CDH26: variants seen among roughly 807,000 people sequenced by gnomAD.
The protein encoded by CDH26 is cadherin 26.
CDH26 carries 83 observed loss-of-function variants against 90.3 expected under a neutral mutation model. That is an observed-to-expected ratio of 0.92 (90% CI 0.77 to 1.10). The LOEUF (loss-of-function observed/expected upper bound fraction) is 1.10. Among genes scored for constraint, CDH26 ranks in the 50% least tolerant of loss-of-function variants. The pLI is 0.00. For missense variants in CDH26, 1,013 were observed against 1,037.6 expected, an observed-to-expected ratio of 0.98 and a Z score of 0.33; for synonymous variants, 397 against 396.3, an observed-to-expected ratio of 1.00 and a Z score of -0.02.
exon 9 of CDH26, chr20:60,033,736 C>T: frequency 1.6e-6 from 2 of 1,253,540 alleles, no homozygotes; most frequent in South Asian, 1.4e-5. Context: ...TTGGAAATGG[C>T]TTCCTGGAGG....
intron 8 of CDH26, 82 bp from the exon 9 acceptor site, chr20:59,988,822 T>A (rs1475454240): frequency 1.3e-6 from 2 of 1,499,570 alleles, no homozygotes; most frequent in Non-Finnish European, 1.8e-6. Flanking sequence ...AAGCTCTGAG[T>A]TTGCAATGAT....
intron 2 of CDH26, among the ~76,000 whole-genome samples, chr20:59,969,363 G>A (rs1397368192): frequency 6.6e-6 from 1 of 152,106 alleles, no homozygotes; most frequent in East Asian, 1.9e-4. Context: ...CCACTGTGAA[G>A]TTTTGCCATA....
intron 1 of CDH26, among the ~76,000 whole-genome samples, chr20:59,967,938 T>TCC (rs1447848241): frequency 2.7e-4 from 29 of 107,512 alleles, no homozygotes; most frequent in East Asian, 4.8e-4. Context: ...CCTTTCCCTT[T>TCC]CTTTCTTTCT....
rs553478405 is a variant in CDH26, at chr20:60,010,376, GC to G, written c.2296-2150del. 2.3e-4 allele frequency among the ~76,000 whole-genome samples: 35 copies of G among 152,274 alleles called. 1 individual carries two copies. The South Asian group carries it at 7.0e-3, about 31-fold the overall frequency. ...GCTCACCCTCTCAGAATTACTATCA[GC>G]AGTGACGGATTAGACAGGCTCCCAC... On this transcript the variant is annotated intron_variant, in intron 17 of 17. Coordinates refer to ENST00000348616, the MANE Select transcript of CDH26 (RefSeq NM_177980.4).
chr20:60,013,294 T>G lies in CDH26; in HGVS notation c.*564T>G. On this transcript the variant is annotated 3_prime_UTR_variant, in exon 18 of 18. Coordinates refer to ENST00000348616, the MANE Select transcript of CDH26 (RefSeq NM_177980.4). Reference sequence around the variant, plus strand: ...AATATGTTATCTTGAGAAAAATGATTATGCTGAAAGCTTTATAAACAGTAT... The same window carrying G: ...AATATGTTATCTTGAGAAAAATGATGATGCTGAAAGCTTTATAAACAGTAT... 6.6e-6 allele frequency: 1 copy of G among 152,338 alleles called. No individual in the cohort carries two copies. The highest frequency in any genetic ancestry group is 1.9e-4 in the East Asian group (1 of 5,210). 9.4% of individuals were successfully genotyped at this position (152,338 alleles called of 1,614,324 possible).
intron 17 of CDH26, among the ~76,000 whole-genome samples, chr20:60,008,402 G>A (rs1023154254): frequency 3.9e-5 from 6 of 152,166 alleles, no homozygotes; most frequent in Non-Finnish European, 7.3e-5. Context: ...ACAGAAAGCA[G>A]TAGATTTGGG....
intron 1 of CDH26, among the ~76,000 whole-genome samples, chr20:59,966,125 G>A (rs1472883197): frequency 6.7e-6 from 1 of 150,250 alleles, no homozygotes; most frequent in African/African-American, 2.5e-5. Context: ...TGATTTTCTC[G>A]AAGTGAAAGC....
At chr20:60,031,865 C>T (rs916552814) in intron 8 of CDH26, among the ~76,000 whole-genome samples, 7 of 152,132 alleles carry the variant, frequency 4.6e-5, no homozygotes, top group African/African-American at 1.4e-4. Flanking sequence ...ATCTGTCATG[C>T]GATTTGTAAA....
rs112379790 is a variant in CDH26, at chr20:59,972,122, C to A, written c.392C>A (p.Thr131Lys). The change falls in exon 4 of 18, where the codon ACG becomes AAG. Residue 131 changes from threonine to lysine, a missense_variant and splice_region_variant. Thr to Lys is a moderately conservative substitution (Grantham distance 78, BLOSUM62 -1). Transcript: ENST00000348616. Reference sequence around the variant, plus strand: ...GATCGAGAAATGACACCATCTTTCACGGTATCTAAAACTTGATATATTCTA... The same window carrying A: ...GATCGAGAAATGACACCATCTTTCAAGGTATCTAAAACTTGATATATTCTA... Reference protein sequence around the residue: ...PVDREMTPSFTVYFDVVERST... With the variant: ...PVDREMTPSFKVYFDVVERST... 518 of 1,613,040 alleles carry A rather than the reference C, an allele frequency of 3.2e-4. 4 individuals are homozygous for A. The African/African-American group carries it at 6.1e-3, about 19-fold the overall frequency.
At chr20:60,020,752 G>C (rs2061945707) in intron 7 of CDH26, among the ~76,000 whole-genome samples, 1 of 152,120 alleles carries the variant, frequency 6.6e-6, no homozygotes, top group South Asian at 2.1e-4. Flanking sequence ...CACAATGTGG[G>C]GGGTAAGCAC....
At chr20:59,967,880 C>CTTTCTCTCTCTCTCTCT (rs1195650307) in intron 1 of CDH26, among the ~76,000 whole-genome samples, 1 of 74,922 alleles carries the variant, frequency 1.3e-5, no homozygotes, top group African/African-American at 8.6e-5. Context: ...TTTCTTTCTT[C>CTTTCTCTCTCTCTCTCT]CTTCCTTCCT....
Position 59,996,002 on chromosome 20 carries a change from G to A in CDH26, c.1836G>A (p.Gly612=), listed in dbSNP as rs2061591534. ...TGGAGCTTGCAGATGCAGAAGTGGG[G>A]CTTCATGTGGGGGCCCTGTTCCCTG... ...TCVELADAEV[G]LHVGALFPVC... Residue 612 remains glycine, a synonymous_variant, in exon 12 of 18, where the codon GGG becomes GGA. Coordinates refer to ENST00000348616, the MANE Select transcript of CDH26 (RefSeq NM_177980.4). The A allele has an allele frequency of 3.7e-6, 6 of 1,614,112 alleles. No homozygotes were observed. In the East Asian group the frequency reaches 1.1e-4, roughly 30 times the overall value.
intron 1 of CDH26, among the ~76,000 whole-genome samples, chr20:59,961,293 T>C (rs1040736503): frequency 2.0e-5 from 3 of 151,988 alleles, no homozygotes; most frequent in African/African-American, 4.8e-5. Context: ...CTGAGGGTGG[T>C]TGGGTGGGGG....
chr20:60,002,692 T>C, intron 15 of CDH26, 121 bp from the exon 16 acceptor site: 1 of 577,114 alleles, frequency 1.7e-6, no homozygotes, highest in Non-Finnish European at 2.9e-6. Flanking sequence ...CTACACTCTT[T>C]AGAATTACTA....
intron 2 of CDH26, among the ~76,000 whole-genome samples, chr20:59,969,679 G>A (rs1024627202): frequency 2.0e-5 from 3 of 152,180 alleles, no homozygotes; most frequent in Non-Finnish European, 4.4e-5. Context: ...AGACAGAGAG[G>A]CATTAAAGGT....
chr20:60,009,503 G>T (rs758424933), intron 17 of CDH26, among the ~76,000 whole-genome samples: 11 of 152,224 alleles, frequency 7.2e-5, no homozygotes, highest in Non-Finnish European at 1.2e-4. Context: ...AGTATCGCAG[G>T]TCCTGCCTGG....
At chr20:59,997,958 G>A (rs1036900790) in intron 13 of CDH26, among the ~76,000 whole-genome samples, 1 of 152,240 alleles carries the variant, frequency 6.6e-6, no homozygotes, top group Non-Finnish European at 1.5e-5. Flanking sequence ...AGGCTCCTCT[G>A]GCAGGTATGT....
At chr20:59,994,156 G>A in intron 10 of CDH26, 94 bp from the exon 11 acceptor site, 1 of 1,498,942 alleles carries the variant, frequency 6.7e-7, no homozygotes, top group Non-Finnish European at 9.1e-7. Flanking sequence ...CAGTATTTCA[G>A]GAATATTTTT....
Position 59,997,294 on chromosome 20 carries a change from G to C in CDH26, c.2019+533G>C, listed in dbSNP as rs1323598729. 2.6e-5 allele frequency among the ~76,000 whole-genome samples: 4 copies of C among 152,246 alleles called. No individual in the cohort carries two copies. The East Asian group carries it at 7.7e-4, about 29-fold the overall frequency. ...TGGCAGAACCTGCTCTTCTACCATT[G>C]TCCGGCAAAGGCCAACCAGAAAGCT... On this transcript the variant is annotated intron_variant, in intron 13 of 17. Transcript: ENST00000348616.
Sources: allele counts gnomAD v4.1 joint callset (sites outside exome capture counted in the v4.1 genomes callset), GRCh38; gene constraint gnomAD v4.1.1; transcripts MANE v1.5; gene names NCBI Gene and HGNC (gene_info 2026-07-23, HGNC 2026-07-21).